Variants in CREBBP observed in about 807,000 individuals in gnomAD.
CREBBP encodes the protein CREB binding lysine acetyltransferase, also known as CREB-binding protein.
In CREBBP, 19 loss-of-function variants were observed where a neutral mutation model predicts 265.0. The ratio of observed to expected loss-of-function variants is 0.07; its 90% CI spans 0.05 to 0.11. CREBBP has a LOEUF of 0.11. CREBBP is among the 10% of genes least tolerant of loss of function. CREBBP has a pLI of 1.00. For synonymous variants in CREBBP, 1,457 were observed against 1,223.7 expected (o/e 1.19, Z -3.98); for missense variants, 2,525 against 3,219.0 (o/e 0.78, Z 5.22).
intron 28 of CREBBP, among the ~76,000 whole-genome samples, chr16:3,733,517 C>T (rs1215093812): frequency 6.6e-6 from 1 of 152,148 alleles, no homozygotes; most frequent in Non-Finnish European, 1.5e-5. Flanking sequence ...AATGCATCAA[C>T]ATCAACAAAT....
chr16:3,867,968 C>T (rs2055212245), intron 1 of CREBBP, among the ~76,000 whole-genome samples: 1 of 152,000 alleles, frequency 6.6e-6, no homozygotes, highest in Non-Finnish European at 1.5e-5. Context: ...ACAAAGCCTG[C>T]ATTTCTAATA....
At position 3,869,389 on chromosome 16, in the gene CREBBP, G is replaced by A. The variant is rs150668283; in HGVS notation, c.85+10443C>T. 6.1e-3 allele frequency among the ~76,000 whole-genome samples: 930 copies of A among 152,276 alleles called. 6 individuals carry two copies. The highest frequency in any genetic ancestry group is 0.017 in the Middle Eastern group (5 of 294). ...AATCCTGAACAGTGTGACCTAAGCC[G>A]TGAATATTTTTGAAGGAGTCTTTCA... On this transcript the variant is annotated intron_variant, in intron 1 of 30. Coordinates refer to ENST00000262367, the MANE Select transcript of CREBBP (RefSeq NM_004380.3).
At chr16:3,848,377 T>A (rs2054713668) in intron 2 of CREBBP, among the ~76,000 whole-genome samples, 2 of 152,172 alleles carry the variant, frequency 1.3e-5, no homozygotes, top group African/African-American at 4.8e-5. Context: ...GGGACCATGA[T>A]GTCAAAACTA....
intron 1 of CREBBP, among the ~76,000 whole-genome samples, chr16:3,859,580 C>T (rs1194330368): frequency 6.6e-6 from 1 of 152,156 alleles, no homozygotes; most frequent in African/African-American, 2.4e-5. Context: ...CCAGGAAGAC[C>T]AAGGCATGAC....
intron 1 of CREBBP, among the ~76,000 whole-genome samples, chr16:3,859,424 C>A (rs564691561): frequency 2.5e-3 from 378 of 152,280 alleles, no homozygotes; most frequent in Non-Finnish European, 4.1e-3. Flanking sequence ...GAACTCCCAA[C>A]CTCAGGTGAT....
intron 5 of CREBBP, among the ~76,000 whole-genome samples, chr16:3,784,212 C>T (rs1244124172): frequency 6.6e-6 from 1 of 152,084 alleles, no homozygotes. Context: ...ATCAGCACAC[C>T]TATAATAAAC....
chr16:3,878,945 C>T (rs1164470876), intron 1 of CREBBP, among the ~76,000 whole-genome samples: 1 of 151,578 alleles, frequency 6.6e-6, no homozygotes, highest in African/African-American at 2.4e-5. Context: ...TCCAGGGAAG[C>T]CGTTTAATGA....
intron 21 of CREBBP, chr16:3,745,786 A>T (rs180711068): frequency 3.3e-6 from 1 of 299,730 alleles, no homozygotes; most frequent in African/African-American, 2.2e-5. Flanking sequence ...CTTAAGTCTA[A>T]AATTGTTGAG....
In CREBBP at chr16:3,731,125, C is replaced by A. The variant is rs1296020240; in HGVS notation, c.5172+67G>T. ...ACAGACACCAACCCGGGCACCCATG[C>A]AAAGGGACAGGATGCTTCGTCAGAC... On this transcript the variant is annotated intron_variant, in intron 30 of 30. Coordinates refer to ENST00000262367, the MANE Select transcript of CREBBP (RefSeq NM_004380.3). This position sits in a 1 kb window ranked among gnomAD's most constrained non-coding sequence, Gnocchi z 7.7. 7.7e-6 allele frequency: 12 copies of A among 1,551,972 alleles called. No individual in the cohort carries two copies. Among genetic ancestry groups the A allele is most frequent in the Non-Finnish European group, 1.1e-5 (12 of 1,140,892 alleles).
intron 19 of CREBBP, among the ~76,000 whole-genome samples, chr16:3,756,285 G>A (rs1408554426): frequency 6.6e-5 from 10 of 152,190 alleles, no homozygotes; most frequent in Non-Finnish European, 1.2e-4. Flanking sequence ...TAGAGGCAAC[G>A]TCACAGTTTG....
chr16:3,850,462 T>C lies in CREBBP; in HGVS notation c.633A>G (p.Gly211=). ...TTCCTCTGCCAGCAGCCCCAAGAGA[T>C]CCATTCATGACTTGCGCCTGCCCTT... ...ASQGQAQVMN[G]SLGAAGRGRG... Residue 211 remains glycine (G), a synonymous_variant, in exon 2 of 31, where the codon GGA becomes GGG. Transcript: ENST00000262367. 1.9e-6 allele frequency: 3 copies of C among 1,614,200 alleles called. No homozygotes were observed. The highest frequency in any genetic ancestry group is 2.5e-6 in the Non-Finnish European group (3 of 1,180,038).
At chr16:3,743,999 C>T (rs1596821331) in intron 23 of CREBBP, among the ~76,000 whole-genome samples, 1 of 152,126 alleles carries the variant, frequency 6.6e-6, no homozygotes, top group East Asian at 1.9e-4. Flanking sequence ...TCGCTTGAAC[C>T]CAGGAGGTGG....
chr16:3,818,232 C>T (rs2141371430), intron 2 of CREBBP, among the ~76,000 whole-genome samples: 1 of 152,142 alleles, frequency 6.6e-6, no homozygotes, highest in South Asian at 2.1e-4. Flanking sequence ...CAGAACTTGA[C>T]CTAGAGTCGG....
chr16:3,801,966 C>T (rs2053722702), intron 3 of CREBBP, among the ~76,000 whole-genome samples: 2 of 152,212 alleles, frequency 1.3e-5, no homozygotes. Context: ...TGAGCCCACT[C>T]ACCCCACCCA....
At chr16:3,761,144 G>A (rs1337488758) in intron 16 of CREBBP, among the ~76,000 whole-genome samples, 5 of 151,926 alleles carry the variant, frequency 3.3e-5, no homozygotes, top group African/African-American at 1.2e-4. Context: ...AGTAGAGACT[G>A]GGTTTCTCCA....
intron 16 of CREBBP, among the ~76,000 whole-genome samples, chr16:3,760,893 C>A (rs1399694192): frequency 6.6e-6 from 1 of 152,208 alleles, no homozygotes; most frequent in African/African-American, 2.4e-5. Flanking sequence ...CTGCCTCAGC[C>A]TCTCAAAGCA....
At chr16:3,794,541 C>T (rs1219749294) in intron 3 of CREBBP, among the ~76,000 whole-genome samples, 4 of 152,084 alleles carry the variant, frequency 2.6e-5, no homozygotes, top group Admixed American at 2.0e-4. Context: ...CTTAATACAA[C>T]CACCCAGTGC....
intron 1 of CREBBP, among the ~76,000 whole-genome samples, chr16:3,868,430 G>GA (rs1447911790): frequency 7.7e-6 from 1 of 129,438 alleles, no homozygotes; most frequent in African/African-American, 2.5e-5. Context: ...GAACTTGGAT[G>GA]AAAAAACACA....
intron 1 of CREBBP, among the ~76,000 whole-genome samples, chr16:3,861,374 GCAGT>G (rs1366726001): frequency 7.9e-5 from 12 of 152,232 alleles, no homozygotes; most frequent in Non-Finnish European, 1.5e-4. Context: ...AGCTTGGCAT[GCAGT>G]AAGGACTCAA....
Sources: gnomAD v4.1 joint callset for allele counts (sites outside exome capture counted in the v4.1 genomes callset) on GRCh38, gnomAD v4.1.1 for gene constraint, Gnocchi (gnomAD v3.1) non-coding constraint, MANE v1.5 for transcripts, NCBI Gene and HGNC (gene_info 2026-07-23, HGNC 2026-07-21) for gene names.